Variants in GSTO2 observed in about 807,000 individuals in gnomAD.
GSTO2 encodes the protein glutathione S-transferase omega-2.
GSTO2 carries 23 observed loss-of-function variants against 28.4 expected under a neutral mutation model. The observed-to-expected ratio is 0.81, with a 90% confidence interval of 0.58 to 1.15. The LOEUF (loss-of-function observed/expected upper bound fraction) is 1.15, where lower values mean the gene tolerates loss of function less well. Among genes scored for constraint, GSTO2 ranks in the 50% most tolerant of loss-of-function variants. The pLI is 0.00. For synonymous variants in GSTO2, 109 were observed against 111.0 expected, an observed-to-expected ratio of 0.98 and a Z score of 0.11; for missense variants, 298 against 297.8, an observed-to-expected ratio of 1.00 and a Z score of 0.00.
At chr10:104,278,455 G>A (rs540762216) in intron 4 of GSTO2, among the ~76,000 whole-genome samples, 196 of 152,336 alleles carry the variant, frequency 1.3e-3, no homozygotes, top group Non-Finnish European at 2.0e-3. Flanking sequence ...AATGGAGTGC[G>A]AAGATTATGC....
chr10:104,296,704 G>C (rs953507412), intron 5 of GSTO2: 1 of 151,276 alleles, frequency 6.6e-6, no homozygotes, highest in Non-Finnish European at 1.5e-5. Context: ...TCCTGCCTTA[G>C]TTTTGAATTA....
intron 4 of GSTO2, among the ~76,000 whole-genome samples, chr10:104,278,915 A>G (rs2011824560): frequency 6.6e-6 from 1 of 152,212 alleles, no homozygotes; most frequent in East Asian, 1.9e-4. Flanking sequence ...AGGAATTTTT[A>G]AAAACCTCAA....
intron 5 of GSTO2, among the ~76,000 whole-genome samples, chr10:104,283,352 G>T (rs2012200268): frequency 6.6e-6 from 1 of 152,234 alleles, no homozygotes; most frequent in African/African-American, 2.4e-5. Flanking sequence ...ATGGCTGGGC[G>T]TGGTGGCTCA....
rs1023299868 is a variant in GSTO2 at position 104,303,706 on chromosome 10, A to C, written c.*4422A>C. The C allele has an allele frequency of 6.6e-6, 1 of 152,260 alleles. No individual in the cohort carries two copies. Among genetic ancestry groups the C allele is most frequent in the Non-Finnish European group, 1.5e-5 (1 of 68,050 alleles). The allele number at this position is 152,260 out of a possible 1,614,324, so 9.4% of individuals were successfully genotyped here. ...AAAAAGGAGCCAAGTGCTAATGGCC[A>C]AGAAAATGGGGAAAAGGCCTTGAAG... On this transcript the variant is annotated 3_prime_UTR_variant, in exon 7 of 7. Transcript: ENST00000338595.
chr10:104,301,673 A>G lies in GSTO2; in HGVS notation c.*2389A>G, dbSNP rs2013260576. The G allele has an allele frequency of 6.6e-6, 1 of 152,252 alleles. No individual in the cohort carries two copies. The allele number at this position is 152,252 out of a possible 1,614,324, so 9.4% of individuals were successfully genotyped here. The stretch of plus-strand genomic sequence containing the variant: ...GTTAAAAATACAATAATGTAAAAGA[A>G]TAGAAAATCTTCCATTATCTTGTGT... On this transcript the variant is annotated 3_prime_UTR_variant, in exon 7 of 7. Coordinates refer to ENST00000338595, the MANE Select transcript of GSTO2 (RefSeq NM_183239.2).
intron 5 of GSTO2, chr10:104,296,290 G>A (rs2013018363): frequency 6.6e-6 from 1 of 151,896 alleles, no homozygotes; most frequent in Admixed American, 6.6e-5. Flanking sequence ...CAAATGTGAA[G>A]TTTGAAAAGC....
intron 5 of GSTO2, among the ~76,000 whole-genome samples, chr10:104,294,814 A>G (rs1263089679): frequency 6.6e-6 from 1 of 152,218 alleles, no homozygotes; most frequent in African/African-American, 2.4e-5. Context: ...CCATCAGATC[A>G]TGTATATTTA....
chr10:104,274,830 A>G lies in GSTO2; in HGVS notation c.-86A>G. ...GGGCAAGGGGTGCGCGCCAGAGCGCAGCTGTTTCTGGAGCCTGCGGCAGCG... is the reference window on the plus strand; with the variant it reads ...GGGCAAGGGGTGCGCGCCAGAGCGCGGCTGTTTCTGGAGCCTGCGGCAGCG... On this transcript the variant is annotated 5_prime_UTR_variant, in exon 2 of 7. Transcript: ENST00000338595. The G allele has an allele frequency of 6.7e-7, 1 of 1,502,408 alleles. No homozygotes were observed. The highest frequency in any genetic ancestry group is 9.1e-7 in the Non-Finnish European group (1 of 1,098,008). 93.1% of individuals were successfully genotyped at this position (1,502,408 alleles called of 1,614,324 possible).
chr10:104,272,881 G>C, intron 1 of GSTO2, among the ~76,000 whole-genome samples: 1 of 151,894 alleles, frequency 6.6e-6, no homozygotes, highest in African/African-American at 2.4e-5. Context: ...CAAAGTGCTG[G>C]GATTACAGGC....
At chr10:104,292,324 A>AACTTTTTT (rs1357756981) in intron 5 of GSTO2, among the ~76,000 whole-genome samples, 1 of 150,860 alleles carries the variant, frequency 6.6e-6, no homozygotes, top group Non-Finnish European at 1.5e-5. Context: ...ACACCCAGCT[A>AACTTTTTT]ACTTTTTTTA....
intron 2 of GSTO2, 135 bp from the exon 3 acceptor site, chr10:104,275,091 C>A: frequency 6.6e-7 from 1 of 1,510,220 alleles, no homozygotes; most frequent in Non-Finnish European, 8.8e-7. Flanking sequence ...AAGCCACATG[C>A]AGCACTGCCC....
intron 3 of GSTO2, among the ~76,000 whole-genome samples, chr10:104,275,822 T>C (rs1419796212): frequency 2.0e-5 from 3 of 152,222 alleles, no homozygotes; most frequent in Non-Finnish European, 2.9e-5. Context: ...CTTTTATTCA[T>C]GAGCTAGGAG....
At position 104,274,733 on chromosome 10, in the gene GSTO2, A is replaced by G. The variant is rs2297235; in HGVS notation, c.-183A>G. The G allele has an allele frequency of 0.25, 175,698 of 690,244 alleles. 24,170 individuals carry two copies. Among genetic ancestry groups the G allele is most frequent in the Non-Finnish European group, 0.29 (121,628 of 412,968 alleles). The allele number at this position is 690,244 out of a possible 1,614,324, so 42.8% of individuals were successfully genotyped here. A position where few individuals can be genotyped will look rare whatever the true frequency, so the allele number is the denominator to read the frequency against. On this transcript the variant is annotated 5_prime_UTR_variant, in exon 2 of 7. Coordinates refer to ENST00000338595, the MANE Select transcript of GSTO2 (RefSeq NM_183239.2). ...CTGGGGCGATGTCTCCCCAGGTTAA[A>G]TTACCCTAGCTCCTGCTCCAGATCG...
At position 104,300,969 on chromosome 10, in the gene GSTO2, G is replaced by A. The variant is rs2013240799; in HGVS notation, c.*1685G>A. The A allele has an allele frequency of 6.6e-6, 1 of 152,332 alleles. No homozygotes were observed. 9.4% of individuals were successfully genotyped at this position (152,332 alleles called of 1,614,324 possible). ...GACAGAAACAAGCCTGCTTGGTGAGGTGGCCAGAACTTCCAGAAGAGGCAG... is the reference window on the plus strand; with the variant it reads ...GACAGAAACAAGCCTGCTTGGTGAGATGGCCAGAACTTCCAGAAGAGGCAG... On this transcript the variant is annotated 3_prime_UTR_variant, in exon 7 of 7. Coordinates refer to ENST00000338595, the MANE Select transcript of GSTO2 (RefSeq NM_183239.2).
chr10:104,284,636 ATTC>A (rs1264264541), intron 5 of GSTO2, among the ~76,000 whole-genome samples: 2 of 152,166 alleles, frequency 1.3e-5, no homozygotes, highest in Admixed American at 1.3e-4. Context: ...TTTTAGTTTT[ATTC>A]TTTTTCAGGT....
chr10:104,298,716 A>G (rs1364342236), intron 6 of GSTO2, among the ~76,000 whole-genome samples: 3 of 152,078 alleles, frequency 2.0e-5, no homozygotes, highest in African/African-American at 7.2e-5. Context: ...ATTTGTCTTT[A>G]TTTTTTTATA....
At position 104,279,372 on chromosome 10, in the gene GSTO2, C is replaced by T. The variant is rs1589860805; in HGVS notation, c.369C>T (p.Val123=). Residue 123 remains valine, a splice_region_variant and synonymous_variant, in exon 5 of 7, where the codon GTC becomes GTT. Transcript: ENST00000338595. The stretch of plus-strand genomic sequence containing the variant: ...GAGAACCTGTGTCCTCTGATTAGGT[C>T]CCACATTTGACCAAGGAGTGCCTGG... ...QKMLLELFCK[V]PHLTKECLVA... is the part of the protein sequence containing the mutation. The T allele has an allele frequency of 6.2e-7, 1 of 1,612,574 alleles. No individual in the cohort carries two copies. Among genetic ancestry groups the T allele is most frequent in the Non-Finnish European group, 8.5e-7 (1 of 1,178,634 alleles).
intron 1 of GSTO2, among the ~76,000 whole-genome samples, chr10:104,273,441 T>G (rs1436162974): frequency 6.6e-6 from 1 of 152,208 alleles, no homozygotes; most frequent in Admixed American, 6.5e-5. Context: ...CAGCAAAAAA[T>G]GTAGTTGAGT....
At chr10:104,271,151 TA>T (rs1179081638) in intron 1 of GSTO2, among the ~76,000 whole-genome samples, 2 of 152,224 alleles carry the variant, frequency 1.3e-5, no homozygotes, top group Admixed American at 1.3e-4. Flanking sequence ...AGCTTAAGGT[TA>T]AAATCTTTCT....
Sources: gnomAD v4.1 joint callset for allele counts (sites outside exome capture counted in the v4.1 genomes callset) on GRCh38, gnomAD v4.1.1 for gene constraint, MANE v1.5 for transcripts, NCBI Gene and HGNC (gene_info 2026-07-23, HGNC 2026-07-21) for gene names.